XPO7: variants seen among roughly 807,000 people sequenced by gnomAD.
XPO7 encodes the protein exportin 7, also known as exportin-7.
A neutral mutation model predicts 144.3 loss-of-function variants in XPO7; 21 were observed. The ratio of observed to expected loss-of-function variants is 0.15; its 90% confidence interval spans 0.10 to 0.21. The LOEUF (loss-of-function observed/expected upper bound fraction) is 0.21. Ranked by LOEUF, XPO7 falls within the 10% of genes least tolerant of loss-of-function variation. XPO7 has a pLI of 1.00. For synonymous variants in XPO7, 580 were observed against 499.6 expected, an observed-to-expected ratio of 1.16 and a Z score of -2.15; for missense variants, 808 against 1,325.8, an observed-to-expected ratio of 0.61 and a Z score of 6.06.
At chr8:21,993,625 C>T (rs1218223036) in intron 19 of XPO7, among the ~76,000 whole-genome samples, 3 of 152,072 alleles carry the variant, frequency 2.0e-5, no homozygotes, top group African/African-American at 7.2e-5. Flanking sequence ...ATGTATGAGT[C>T]CTGATCTGGA....
intron 8 of XPO7, 37 bp from the exon 9 acceptor site, chr8:21,980,047 T>C: frequency 2.0e-6 from 3 of 1,530,810 alleles, no homozygotes; most frequent in Non-Finnish European, 2.6e-6. Flanking sequence ...TGTACAGTCT[T>C]TTTAATCGTT....
At chr8:22,002,687 G>A (rs931466360) in intron 25 of XPO7, among the ~76,000 whole-genome samples, 2 of 152,168 alleles carry the variant, frequency 1.3e-5, no homozygotes, top group Non-Finnish European at 2.9e-5. Flanking sequence ...CAAACCATAT[G>A]CTTGCCCTTA....
intron 18 of XPO7, 78 bp downstream of exon 18, chr8:21,990,997 T>G (rs1344293750): frequency 7.6e-7 from 1 of 1,323,172 alleles, no homozygotes; most frequent in Non-Finnish European, 1.1e-6. Flanking sequence ...GAAAACTAGA[T>G]GTTGGGGAGG....
intron 1 of XPO7, among the ~76,000 whole-genome samples, chr8:21,944,753 C>CCGCCT (rs1188179211): frequency 3.3e-5 from 5 of 152,080 alleles, no homozygotes; most frequent in Non-Finnish European, 5.9e-5. Context: ...CTGCCGCCTT[C>CCGCCT]CGCCTTCCGC....
At chr8:21,920,286 A>G (rs1810232408) in intron 1 of XPO7, among the ~76,000 whole-genome samples, 1 of 151,782 alleles carries the variant, frequency 6.6e-6, no homozygotes, top group Non-Finnish European at 1.5e-5. Flanking sequence ...GCCCCGGAAT[A>G]CGAGAGACCC....
intron 5 of XPO7, among the ~76,000 whole-genome samples, 157 bp from the exon 6 acceptor site, chr8:21,974,511 CTT>C (rs1812165509): frequency 6.6e-6 from 1 of 152,160 alleles, no homozygotes; most frequent in Non-Finnish European, 1.5e-5. Context: ...ATCCTCCATC[CTT>C]TCACTAGATA....
chr8:21,956,909 T>C (rs1009945272), intron 1 of XPO7, among the ~76,000 whole-genome samples: 1 of 152,180 alleles, frequency 6.6e-6, no homozygotes, highest in Admixed American at 6.5e-5. Context: ...GTTAAAGGCT[T>C]TCTTCAGATT....
chr8:21,980,939 C>G (rs1812388998), intron 9 of XPO7, among the ~76,000 whole-genome samples: 1 of 151,976 alleles, frequency 6.6e-6, no homozygotes. Context: ...TTTTGAAGTC[C>G]CAGTGATTCA....
chr8:21,920,318 C>T (rs1030127087), intron 1 of XPO7, among the ~76,000 whole-genome samples: 3 of 152,132 alleles, frequency 2.0e-5, no homozygotes, highest in African/African-American at 4.8e-5. Flanking sequence ...CGGCCTCCTT[C>T]CCCCTCCCAC....
At chr8:21,953,438 T>C (rs1245602332) in intron 1 of XPO7, among the ~76,000 whole-genome samples, 1 of 152,254 alleles carries the variant, frequency 6.6e-6, no homozygotes, top group African/African-American at 2.4e-5. Flanking sequence ...TATGTCTTTT[T>C]GTAGCCAAGT....
Position 21,952,694 on chromosome 8 carries a change from G to A in XPO7, c.19-14163G>A, listed in dbSNP as rs533508202. On this transcript the variant is annotated intron_variant, in intron 1 of 27. Transcript: ENST00000252512. ...TTTAGAATGGCAGAGAGCCACGCTTGGTTACGTTGGCTTTGACAATGAATG... is the reference window on the plus strand; with the variant it reads ...TTTAGAATGGCAGAGAGCCACGCTTAGTTACGTTGGCTTTGACAATGAATG... 7.9e-5 allele frequency among the ~76,000 whole-genome samples: 12 copies of A among 152,308 alleles called. No homozygotes were observed. The South Asian group carries it at 2.5e-3, about 32-fold the overall frequency.
At chr8:21,999,361 C>T (rs1194098655) in intron 23 of XPO7, 56 bp downstream of exon 23, 1 of 1,600,796 alleles carries the variant, frequency 6.2e-7, no homozygotes, top group East Asian at 2.2e-5. Context: ...CAGCCTTTTT[C>T]ACCTGAGACC....
intron 1 of XPO7, among the ~76,000 whole-genome samples, chr8:21,923,585 A>G (rs943460131): frequency 6.6e-6 from 1 of 152,248 alleles, no homozygotes; most frequent in Non-Finnish European, 1.5e-5. Context: ...AGGGATGTAT[A>G]TATACGTGTG....
chr8:21,938,218 T>A (rs1433214564), intron 1 of XPO7, among the ~76,000 whole-genome samples: 1 of 152,218 alleles, frequency 6.6e-6, no homozygotes, highest in Non-Finnish European at 1.5e-5. Context: ...ATATTTAATA[T>A]GTTAGATGAT....
intron 1 of XPO7, among the ~76,000 whole-genome samples, chr8:21,923,413 C>A (rs191565499): frequency 4.0e-4 from 61 of 152,328 alleles, no homozygotes; most frequent in African/African-American, 1.3e-3. Flanking sequence ...GATTATACCT[C>A]TTTCGTGGGT....
At chr8:21,994,292 T>G (rs910515526) in intron 19 of XPO7, 71 bp from the exon 20 acceptor site, 6 of 1,139,860 alleles carry the variant, frequency 5.3e-6, no homozygotes, top group Non-Finnish European at 7.8e-6. Context: ...GATACATGTG[T>G]GGAATCCTCA....
chr8:21,995,113 A>G (rs867610402), intron 20 of XPO7, among the ~76,000 whole-genome samples: 17 of 152,002 alleles, frequency 1.1e-4, no homozygotes, highest in Non-Finnish European at 1.9e-4. Flanking sequence ...TAGGAAGTCT[A>G]ACTTTACTGA....
chr8:21,953,566 A>C (rs1307490481), intron 1 of XPO7, among the ~76,000 whole-genome samples: 1 of 152,198 alleles, frequency 6.6e-6, no homozygotes, highest in Admixed American at 6.5e-5. Flanking sequence ...ATATGGTAAG[A>C]GTATGTTTAG....
intron 16 of XPO7, 102 bp downstream of exon 16, chr8:21,989,185 T>C (rs2057623767): frequency 9.6e-7 from 1 of 1,046,224 alleles, no homozygotes; most frequent in Non-Finnish European, 1.4e-6. Context: ...AGCTGTAGTG[T>C]GTACTCACAT....
Sources: gnomAD v4.1 joint callset for allele counts (sites outside exome capture counted in the v4.1 genomes callset) on GRCh38, gnomAD v4.1.1 for gene constraint, MANE v1.5 for transcripts, NCBI Gene and HGNC (gene_info 2026-07-23, HGNC 2026-07-21) for gene names.